The following KIAA1217 variants were observed in gnomAD, a reference collection of about 807,000 sequenced individuals.
The protein encoded by KIAA1217 is sickle tail protein homolog.
Under a neutral mutation model 163.9 loss-of-function variants are expected in KIAA1217, and 88 were observed. The observed-to-expected ratio is 0.54, with a 90% confidence interval of 0.45 to 0.64. The LOEUF (loss-of-function observed/expected upper bound fraction) is 0.64. Ranked by LOEUF, KIAA1217 falls within the 30% of genes least tolerant of loss-of-function variation. KIAA1217 has a pLI of 0.00. For missense variants in KIAA1217, 2,372 were observed against 2,475.0 expected (o/e 0.96, Z 0.88); for synonymous variants, 903 against 923.1 (o/e 0.98, Z 0.39).
chr10:24,321,064 A>T (rs1196735895), intron 2 of KIAA1217, among the ~76,000 whole-genome samples: 1 of 151,668 alleles, frequency 6.6e-6, no homozygotes, highest in Non-Finnish European at 1.5e-5. Flanking sequence ...AAACAAAAAA[A>T]ATGCTACAGA....
At chr10:23,935,403 C>A (rs1195174445) in intron 1 of KIAA1217, among the ~76,000 whole-genome samples, 1 of 151,880 alleles carries the variant, frequency 6.6e-6, no homozygotes, top group East Asian at 1.9e-4. Context: ...TAGCAAACAT[C>A]TTCTTTAAAG....
chr10:24,062,703 G>A (rs919438063), intron 2 of KIAA1217, among the ~76,000 whole-genome samples: 14 of 152,086 alleles, frequency 9.2e-5, no homozygotes, highest in African/African-American at 3.4e-4. Context: ...AGATCCCTGA[G>A]GAATCGCCAC....
At chr10:23,887,548 C>T (rs2131205740) in intron 1 of KIAA1217, among the ~76,000 whole-genome samples, 1 of 151,936 alleles carries the variant, frequency 6.6e-6, no homozygotes, top group Admixed American at 6.6e-5. Flanking sequence ...TGTGAACACA[C>T]ACCAGCCTTG....
At chr10:24,104,344 T>A (rs1211351417) in intron 2 of KIAA1217, among the ~76,000 whole-genome samples, 2 of 152,042 alleles carry the variant, frequency 1.3e-5, no homozygotes, top group Admixed American at 1.3e-4. Flanking sequence ...TAAAAAGAAA[T>A]GAGCTATCAA....
At chr10:24,174,705 T>A (rs985224446) in intron 2 of KIAA1217, among the ~76,000 whole-genome samples, 4 of 150,852 alleles carry the variant, frequency 2.7e-5, no homozygotes, top group Admixed American at 6.6e-5. Flanking sequence ...CTACAGACAT[T>A]TTTTAAATTT....
intron 5 of KIAA1217, among the ~76,000 whole-genome samples, chr10:24,467,040 TA>T (rs2063026947): frequency 6.6e-6 from 1 of 150,600 alleles, no homozygotes; most frequent in South Asian, 2.1e-4. Context: ...AAATATTTTT[TA>T]TACTAGGTTT....
intron 2 of KIAA1217, among the ~76,000 whole-genome samples, chr10:24,288,683 A>G (rs1391881537): frequency 6.6e-6 from 1 of 152,200 alleles, no homozygotes; most frequent in Non-Finnish European, 1.5e-5. Flanking sequence ...AGGCTTGAAG[A>G]GTGAGTTGGA....
chr10:24,163,172 C>T (rs906806007), intron 2 of KIAA1217, among the ~76,000 whole-genome samples: 4 of 152,096 alleles, frequency 2.6e-5, no homozygotes, highest in Non-Finnish European at 5.9e-5. Context: ...CCCCAGCCTT[C>T]GATATAATGT....
At chr10:24,058,060 GA>G (rs1256665954) in intron 2 of KIAA1217, among the ~76,000 whole-genome samples, 3 of 152,104 alleles carry the variant, frequency 2.0e-5, no homozygotes, top group Non-Finnish European at 4.4e-5. Flanking sequence ...GATTCATTTT[GA>G]GTTGACATTT....
intron 1 of KIAA1217, among the ~76,000 whole-genome samples, chr10:23,893,308 G>T (rs1395987622): frequency 1.3e-5 from 2 of 152,042 alleles, no homozygotes; most frequent in African/African-American, 4.8e-5. Flanking sequence ...TCTGCTGGTA[G>T]TTTGTATTTC....
At chr10:24,082,040 G>A (rs1453378456) in intron 2 of KIAA1217, among the ~76,000 whole-genome samples, 3 of 152,204 alleles carry the variant, frequency 2.0e-5, no homozygotes, top group Non-Finnish European at 2.9e-5. Context: ...CATTCATGTC[G>A]CTGGAGGTTG....
In KIAA1217 at chr10:24,394,105, A is replaced by G. The variant is rs189559066; in HGVS notation, c.553+13038A>G. On this transcript the variant is annotated intron_variant, in intron 3 of 20. Transcript: ENST00000376454. ...AGGGGAAAGTTTAAAACCTTTTTGCATATAGACTCCATTTGCACGGCTACT... is the reference window on the plus strand; with the variant it reads ...AGGGGAAAGTTTAAAACCTTTTTGCGTATAGACTCCATTTGCACGGCTACT... Among the ~76,000 whole-genome samples the G allele has an allele frequency of 3.3e-5, 5 of 152,324 alleles. No homozygotes were observed. The East Asian group carries it at 7.7e-4, about 24-fold the overall frequency.
At chr10:24,519,431 G>C (rs2070738171) in intron 10 of KIAA1217, among the ~76,000 whole-genome samples, 1 of 152,096 alleles carries the variant, frequency 6.6e-6, no homozygotes, top group South Asian at 2.1e-4. Context: ...GCTTGGAGAA[G>C]AGTTCATCCT....
chr10:24,182,113 A>C (rs776285406), intron 2 of KIAA1217, among the ~76,000 whole-genome samples: 1 of 152,196 alleles, frequency 6.6e-6, no homozygotes, highest in Non-Finnish European at 1.5e-5. Flanking sequence ...CTGAATTCAT[A>C]GTTCCATATT....
At chr10:24,234,492 T>G (rs910169355) in intron 2 of KIAA1217, among the ~76,000 whole-genome samples, 2 of 151,696 alleles carry the variant, frequency 1.3e-5, no homozygotes, top group African/African-American at 4.8e-5. Flanking sequence ...GGTGAAACCC[T>G]GTCTCTACTA....
chr10:23,727,031 A>C (rs1838197121), intron 1 of KIAA1217, among the ~76,000 whole-genome samples: 1 of 113,964 alleles, frequency 8.8e-6, no homozygotes, highest in Non-Finnish European at 1.6e-5. Context: ...TCTGTCACCC[A>C]GGCTGGAGTG....
intron 2 of KIAA1217, among the ~76,000 whole-genome samples, chr10:24,127,162 C>CA (rs986313884): frequency 1.3e-5 from 2 of 152,158 alleles, no homozygotes; most frequent in African/African-American, 4.8e-5. Flanking sequence ...CTGCTAGCTT[C>CA]TGTCCAAATG....
rs11013909 is a variant in KIAA1217, at chr10:24,120,648, C to T, written c.-170-98978C>T. The stretch of plus-strand genomic sequence containing the variant: ...ACCAGTTAAGAAAATGCTCAGTAGA[C>T]TTTGCCTTCTTTAACTGGCCTGTTT... On this transcript the variant is annotated intron_variant, in intron 2 of 18. Coordinates refer to the KIAA1217 transcript ENST00000376462. 5.6e-3 allele frequency among the ~76,000 whole-genome samples: 855 copies of T among 152,284 alleles called. 9 individuals carry two copies. Among genetic ancestry groups the T allele is most frequent in the African/African-American group, 0.019 (793 of 41,564 alleles).
chr10:24,126,666 A>G (rs1469593852), intron 2 of KIAA1217, among the ~76,000 whole-genome samples: 1 of 152,120 alleles, frequency 6.6e-6, no homozygotes, highest in Non-Finnish European at 1.5e-5. Context: ...GTGAATCCTT[A>G]GGCTAATTTC....
Sources: gnomAD v4.1 joint callset for allele counts (sites outside exome capture counted in the v4.1 genomes callset) on GRCh38, gnomAD v4.1.1 for gene constraint, MANE v1.5 for transcripts, NCBI Gene and HGNC (gene_info 2026-07-23, HGNC 2026-07-21) for gene names.